The following PDSS2 variants were observed in gnomAD, a reference collection of about 807,000 sequenced individuals.
PDSS2 encodes the protein decaprenyl diphosphate synthase subunit 2.
In PDSS2, 31 loss-of-function variants were observed where a neutral mutation model predicts 44.5. The observed-to-expected ratio is 0.70, with a 90% CI of 0.52 to 0.94. The LOEUF is 0.94. PDSS2 is among the 40% of genes least tolerant of loss of function. The pLI, the probability that PDSS2 is intolerant of heterozygous loss-of-function variation, is 0.00. For synonymous variants in PDSS2, 157 were observed against 180.3 expected, an observed-to-expected ratio of 0.87 and a Z score of 1.03; for missense variants, 452 against 482.2, an observed-to-expected ratio of 0.94 and a Z score of 0.59.
chr6:107,424,700 C>A (rs974416829), intron 1 of PDSS2, among the ~76,000 whole-genome samples: 1 of 152,060 alleles, frequency 6.6e-6, no homozygotes, highest in African/African-American at 2.4e-5. Context: ...GAATTGTATA[C>A]CTTTGGTATA....
chr6:107,342,106 C>A (rs1274649554), intron 1 of PDSS2, among the ~76,000 whole-genome samples: 1 of 151,626 alleles, frequency 6.6e-6, no homozygotes, highest in Non-Finnish European at 1.5e-5. Context: ...GACTCCCTGG[C>A]AAGGTTGTGA....
intron 1 of PDSS2, among the ~76,000 whole-genome samples, chr6:107,337,137 G>A (rs1204248204): frequency 2.6e-5 from 4 of 151,438 alleles, no homozygotes; most frequent in South Asian, 2.1e-4. Flanking sequence ...CTTTCTATAT[G>A]TCAGAAACTG....
At chr6:107,198,997 A>G (rs1772667221) in intron 6 of PDSS2, among the ~76,000 whole-genome samples, 1 of 152,224 alleles carries the variant, frequency 6.6e-6, no homozygotes, top group African/African-American at 2.4e-5. Flanking sequence ...CCCTGTCTCA[A>G]AAAATAAATA....
intron 7 of PDSS2, among the ~76,000 whole-genome samples, chr6:107,177,131 CT>C (rs5878907): frequency 0.41 from 49,139 of 119,194 alleles, 8,164 homozygotes; most frequent in East Asian, 0.69. Context: ...TAATGTAATT[CT>C]TTTTTTTTTT....
intron 1 of PDSS2, among the ~76,000 whole-genome samples, chr6:107,376,490 C>T (rs1019413632): frequency 1.2e-4 from 18 of 152,070 alleles, no homozygotes; most frequent in Non-Finnish European, 1.6e-4. Flanking sequence ...CCCTTGTAAG[C>T]TGGATTCCTA....
chr6:107,429,901 A>AAAAATATATAT (rs1166637352), intron 1 of PDSS2, among the ~76,000 whole-genome samples: 14 of 31,812 alleles, frequency 4.4e-4, no homozygotes, highest in African/African-American at 1.4e-3. Flanking sequence ...AAAAAAAAAA[A>AAAAATATATAT]ATATATATAT....
intron 2 of PDSS2, among the ~76,000 whole-genome samples, chr6:107,330,308 TG>T (rs1473759233): frequency 1.3e-5 from 2 of 152,168 alleles, no homozygotes; most frequent in African/African-American, 4.8e-5. Context: ...GCCAGCCACC[TG>T]CATGGGAAGC....
chr6:107,450,120 C>G (rs905313288), intron 1 of PDSS2, among the ~76,000 whole-genome samples: 1 of 152,112 alleles, frequency 6.6e-6, no homozygotes, highest in Non-Finnish European at 1.5e-5. Context: ...ATGAGATTGA[C>G]TTTTTTCACT....
intron 2 of PDSS2, among the ~76,000 whole-genome samples, chr6:107,280,201 A>G (rs993633327): frequency 2.6e-5 from 4 of 152,134 alleles, no homozygotes; most frequent in Non-Finnish European, 5.9e-5. Context: ...CTAGGATTAC[A>G]GGCATGCGCC....
chr6:107,339,909 T>C (rs1778027964), intron 1 of PDSS2, among the ~76,000 whole-genome samples: 1 of 152,106 alleles, frequency 6.6e-6, no homozygotes, highest in Non-Finnish European at 1.5e-5. Flanking sequence ...GCCAGTGACA[T>C]AATCAGATAT....
At chr6:107,296,695 C>G (rs1776520097) in intron 2 of PDSS2, among the ~76,000 whole-genome samples, 1 of 151,988 alleles carries the variant, frequency 6.6e-6, no homozygotes, top group South Asian at 2.1e-4. Flanking sequence ...CCATTGCACT[C>G]CAGCCTGGGC....
At chr6:107,217,268 A>T (rs905165246) in intron 4 of PDSS2, among the ~76,000 whole-genome samples, 10 of 152,192 alleles carry the variant, frequency 6.6e-5, no homozygotes, top group African/African-American at 2.4e-4. Flanking sequence ...GGCAAAAGGG[A>T]CTATACAGAT....
chr6:107,323,833 A>T (rs1582941992), intron 2 of PDSS2, among the ~76,000 whole-genome samples: 1 of 152,136 alleles, frequency 6.6e-6, no homozygotes, highest in Non-Finnish European at 1.5e-5. Flanking sequence ...GGATTTTAAA[A>T]TTTTTTACTA....
intron 1 of PDSS2, among the ~76,000 whole-genome samples, chr6:107,418,689 C>T (rs1031880218): frequency 1.3e-5 from 2 of 152,144 alleles, no homozygotes; most frequent in Admixed American, 6.6e-5. Flanking sequence ...GCAGGAGAAT[C>T]GCTTGAACCT....
At position 107,459,064 on chromosome 6, in the gene PDSS2, G is replaced by T. The variant is rs748988428; in HGVS notation, c.222C>A (p.Ser74Arg). Residue 74 changes from serine to arginine, a missense_variant, in exon 1 of 8, where the codon AGC (serine) becomes AGA (arginine). Physicochemically the swap from Ser to Arg is moderately radical, Grantham distance 110 (BLOSUM62 -1). Coordinates refer to ENST00000369037, the MANE Select transcript of PDSS2 (RefSeq NM_020381.4). This position sits in a 1 kb window ranked among gnomAD's most constrained non-coding sequence, Gnocchi z 4.3. ...GCATAGCGATGTTGCTGAGCTCGTCGCTCAGCAGGCAGCGAAGGCTCATGA... is the reference window on the plus strand; with the variant it reads ...GCATAGCGATGTTGCTGAGCTCGTCTCTCAGCAGGCAGCGAAGGCTCATGA... ...TSFMSLRCLL[S>R]DELSNIAMQV... 1.9e-6 allele frequency: 3 copies of T among 1,614,080 alleles called. No homozygotes were observed. Among genetic ancestry groups the T allele is most frequent in the Non-Finnish European group, 2.5e-6 (3 of 1,180,002 alleles).
At chr6:107,427,980 A>T (rs1354535995) in intron 1 of PDSS2, among the ~76,000 whole-genome samples, 1 of 152,164 alleles carries the variant, frequency 6.6e-6, no homozygotes, top group Non-Finnish European at 1.5e-5. Context: ...CAAATTTCAC[A>T]TTTTTTACAG....
chr6:107,199,975 T>G (rs1772712764), intron 6 of PDSS2, among the ~76,000 whole-genome samples: 1 of 152,168 alleles, frequency 6.6e-6, no homozygotes, highest in South Asian at 2.1e-4. Context: ...TAAGCTTCCA[T>G]CTGTAGAAAA....
intron 2 of PDSS2, among the ~76,000 whole-genome samples, chr6:107,326,067 T>C (rs573203082): frequency 2.6e-5 from 4 of 152,114 alleles, no homozygotes; most frequent in African/African-American, 4.8e-5. Flanking sequence ...GTAATACGGA[T>C]AAAATACAAT....
intron 2 of PDSS2, among the ~76,000 whole-genome samples, chr6:107,304,831 G>A (rs988013145): frequency 6.6e-6 from 1 of 152,072 alleles, no homozygotes; most frequent in African/African-American, 2.4e-5. Context: ...ACCTGAACCT[G>A]TGGTGACAGG....
Sources: gnomAD v4.1 joint callset for allele counts (sites outside exome capture counted in the v4.1 genomes callset) on GRCh38, gnomAD v4.1.1 for gene constraint, Gnocchi (gnomAD v3.1) non-coding constraint, MANE v1.5 for transcripts, NCBI Gene and HGNC (gene_info 2026-07-23, HGNC 2026-07-21) for gene names.